KIAA1328: variants seen among roughly 807,000 people sequenced by gnomAD.
KIAA1328 encodes the protein KIAA1328.
In KIAA1328, 52 loss-of-function variants were observed where a neutral mutation model predicts 68.1. That is an observed-to-expected ratio of 0.76 (90% CI 0.61 to 0.96). The LOEUF (loss-of-function observed/expected upper bound fraction) is 0.96, where lower values mean the gene tolerates loss of function less well. Ranked by LOEUF, KIAA1328 falls within the 40% of genes least tolerant of loss-of-function variation. KIAA1328 has a pLI of 0.00. For synonymous variants in KIAA1328, 232 were observed against 239.4 expected (o/e 0.97, Z 0.28); for missense variants, 641 against 677.6 (o/e 0.95, Z 0.60).
chr18:36,829,523 G>T lies in KIAA1328; in HGVS notation c.58+327G>T. 3 of 1,039,320 alleles carry T rather than the reference G, an allele frequency of 2.9e-6. No individual in the cohort carries two copies. The Admixed American group carries it at 1.5e-4, about 52-fold the overall frequency. 64.4% of individuals were successfully genotyped at this position (1,039,320 alleles called of 1,614,324 possible). On this transcript the variant is annotated intron_variant, in intron 1 of 9. Coordinates refer to ENST00000280020, the MANE Select transcript of KIAA1328 (RefSeq NM_020776.3). Reference sequence around the variant, plus strand: ...CGAGGTCCCTCTGCCCACCCTGTCAGAGTGCCCCCAGGCTGACTTGAGTGT... The same window carrying T: ...CGAGGTCCCTCTGCCCACCCTGTCATAGTGCCCCCAGGCTGACTTGAGTGT...
At chr18:36,859,416 G>A (rs1232977361) in intron 4 of KIAA1328, among the ~76,000 whole-genome samples, 2 of 151,482 alleles carry the variant, frequency 1.3e-5, no homozygotes, top group Admixed American at 6.6e-5. Flanking sequence ...GTTGTTCAGA[G>A]TTGATTATTT....
intron 5 of KIAA1328, among the ~76,000 whole-genome samples, chr18:36,950,459 A>G (rs2051112682): frequency 1.3e-5 from 2 of 152,182 alleles, no homozygotes; most frequent in Admixed American, 6.5e-5. Context: ...AGATTAGTAC[A>G]CTACGATTTC....
intron 7 of KIAA1328, among the ~76,000 whole-genome samples, chr18:37,141,795 G>A (rs2154208240): frequency 6.6e-6 from 1 of 152,320 alleles, no homozygotes; most frequent in East Asian, 1.9e-4. Flanking sequence ...ATATGAAATA[G>A]CATCTCATTG....
At chr18:37,171,828 G>A (rs2059505336) in intron 8 of KIAA1328, among the ~76,000 whole-genome samples, 1 of 152,144 alleles carries the variant, frequency 6.6e-6, no homozygotes, top group South Asian at 2.1e-4. Context: ...AGGATCACTT[G>A]GGCCCAGGAG....
chr18:36,919,341 C>T (rs2151100953), intron 5 of KIAA1328, among the ~76,000 whole-genome samples: 1 of 152,256 alleles, frequency 6.6e-6, no homozygotes, highest in South Asian at 2.1e-4. Flanking sequence ...CATATAGTTA[C>T]ATCTTGCTGT....
chr18:37,211,386 A>G (rs182535416), intron 9 of KIAA1328, among the ~76,000 whole-genome samples: 1 of 152,318 alleles, frequency 6.6e-6, no homozygotes, highest in African/African-American at 2.4e-5. Context: ...ATGGGCAGGC[A>G]TTAGTAGTGT....
chr18:37,127,611 G>A (rs146187112), intron 7 of KIAA1328, among the ~76,000 whole-genome samples: 1 of 152,006 alleles, frequency 6.6e-6, no homozygotes, highest in Non-Finnish European at 1.5e-5. Flanking sequence ...GAGCAATGCC[G>A]GGTTCATGAA....
intron 1 of KIAA1328, chr18:36,833,115 T>A (rs2046552604): frequency 6.6e-6 from 1 of 152,266 alleles, no homozygotes; most frequent in Non-Finnish European, 1.5e-5. Flanking sequence ...GTGCTGGGAT[T>A]ACAGACGTGA....
chr18:37,194,936 G>A (rs8093612), intron 9 of KIAA1328, among the ~76,000 whole-genome samples: 40,479 of 152,080 alleles, frequency 0.27, 8,437 homozygotes, highest in African/African-American at 0.59. Flanking sequence ...TGGGATTATA[G>A]CATGAGCCAC....
intron 6 of KIAA1328, among the ~76,000 whole-genome samples, chr18:37,054,471 G>C (rs1207823743): frequency 2.6e-5 from 4 of 152,314 alleles, no homozygotes; most frequent in Non-Finnish European, 4.4e-5. Context: ...CCATGAAATA[G>C]TATGCAGCCA....
intron 6 of KIAA1328, among the ~76,000 whole-genome samples, chr18:37,034,503 G>C (rs769096294): frequency 1.9e-4 from 29 of 152,028 alleles, no homozygotes; most frequent in Non-Finnish European, 3.4e-4. Flanking sequence ...AAACTTACTG[G>C]TTTTACTCTA....
chr18:37,000,420 AAC>A (rs1396638787), intron 6 of KIAA1328, among the ~76,000 whole-genome samples: 1 of 152,150 alleles, frequency 6.6e-6, no homozygotes, highest in African/African-American at 2.4e-5. Flanking sequence ...GGGGGACTTC[AAC>A]ACCCCACTCT....
chr18:37,182,447 TA>T (rs979864454), intron 9 of KIAA1328, among the ~76,000 whole-genome samples: 14 of 152,138 alleles, frequency 9.2e-5, no homozygotes, highest in African/African-American at 3.4e-4. Flanking sequence ...AAAATGGGAG[TA>T]ATAATATCTC....
intron 5 of KIAA1328, among the ~76,000 whole-genome samples, chr18:36,900,438 G>A (rs1489629643): frequency 6.6e-6 from 1 of 151,876 alleles, no homozygotes; most frequent in African/African-American, 2.4e-5. Context: ...GGTAATTGAT[G>A]GAGTTGCAGT....
chr18:36,927,485 G>A (rs1034145227), intron 5 of KIAA1328, among the ~76,000 whole-genome samples: 4 of 152,150 alleles, frequency 2.6e-5, no homozygotes, highest in African/African-American at 7.2e-5. Context: ...ACTGGCTCAC[G>A]CCTGTCATTT....
intron 4 of KIAA1328, among the ~76,000 whole-genome samples, chr18:36,872,841 G>A (rs2047993055): frequency 6.6e-6 from 1 of 152,116 alleles, no homozygotes; most frequent in Non-Finnish European, 1.5e-5. Context: ...GTTATTTATG[G>A]TGGCCTAATA....
chr18:36,901,441 C>T (rs2049035576), intron 5 of KIAA1328, among the ~76,000 whole-genome samples: 1 of 152,026 alleles, frequency 6.6e-6, no homozygotes, highest in Non-Finnish European at 1.5e-5. Context: ...GTTTCTCCAA[C>T]ACTTGTGGAT....
intron 5 of KIAA1328, chr18:36,954,392 C>A (rs1338361874): frequency 6.6e-6 from 1 of 152,136 alleles, no homozygotes; most frequent in Non-Finnish European, 1.5e-5. Context: ...CTATTTCATG[C>A]AATTGGACAT....
At chr18:36,872,273 C>G (rs1259441277) in intron 4 of KIAA1328, among the ~76,000 whole-genome samples, 1 of 151,956 alleles carries the variant, frequency 6.6e-6, no homozygotes, top group Admixed American at 6.6e-5. Flanking sequence ...ACTTCTAAGA[C>G]CCTAGGCATA....
Sources: allele counts gnomAD v4.1 joint callset (sites outside exome capture counted in the v4.1 genomes callset), GRCh38; gene constraint gnomAD v4.1.1; transcripts MANE v1.5; gene names NCBI Gene and HGNC (gene_info 2026-07-23, HGNC 2026-07-21).